Variants in CRADD observed in about 807,000 individuals in gnomAD.
CRADD encodes CARD and death domain containing adaptor protein.
In CRADD, 9 loss-of-function variants were observed where a neutral mutation model predicts 15.5. The observed-to-expected ratio is 0.58, with a 90% CI of 0.35 to 1.01. The LOEUF (loss-of-function observed/expected upper bound fraction) is 1.01, where lower values mean the gene tolerates loss of function less well. Among genes scored for constraint, CRADD ranks in the 50% least tolerant of loss-of-function variants. The probability of loss-of-function intolerance (pLI) is 0.02; values close to 1 mark genes in which losing one functional copy is unlikely to be tolerated. For synonymous variants in CRADD, 118 were observed against 107.6 expected (o/e 1.10, Z -0.60); for missense variants, 227 against 250.3 (o/e 0.91, Z 0.63).
chr12:93,860,760 C>T (rs1282485980), intron 2 of CRADD, among the ~76,000 whole-genome samples: 3 of 152,166 alleles, frequency 2.0e-5, no homozygotes, highest in African/African-American at 4.8e-5. Context: ...GCTACCTAAG[C>T]AAATGGAAAA....
At chr12:93,754,568 A>C (rs1956866611) in intron 2 of CRADD, among the ~76,000 whole-genome samples, 1 of 152,222 alleles carries the variant, frequency 6.6e-6, no homozygotes, top group Non-Finnish European at 1.5e-5. Context: ...AAAGTTCCAT[A>C]GATCTTTAGG....
At chr12:93,875,762 G>A (rs1458949442) in intron 2 of CRADD, among the ~76,000 whole-genome samples, 2 of 151,994 alleles carry the variant, frequency 1.3e-5, no homozygotes, top group Admixed American at 1.3e-4. Flanking sequence ...TTATTGTACT[G>A]ATGATGTCTT....
intron 2 of CRADD, among the ~76,000 whole-genome samples, chr12:93,711,055 C>CCCCCCTTTTTT: frequency 3.0e-4 from 13 of 43,506 alleles, no homozygotes; most frequent in Non-Finnish European, 3.5e-4. Flanking sequence ...CCACCCCCGC[C>CCCCCCTTTTTT]TTTTTTTTTT....
At chr12:93,725,803 C>G (rs1434627280) in intron 2 of CRADD, among the ~76,000 whole-genome samples, 1 of 152,116 alleles carries the variant, frequency 6.6e-6, no homozygotes, top group Non-Finnish European at 1.5e-5. Context: ...TATAGAGTGC[C>G]TGTTTGTCCC....
chr12:93,763,725 T>C (rs1956995400), intron 2 of CRADD, among the ~76,000 whole-genome samples: 1 of 152,128 alleles, frequency 6.6e-6, no homozygotes. Context: ...ACATTTTTAT[T>C]AGTGTGCATA....
chr12:93,722,637 T>A (rs922091685), intron 2 of CRADD, among the ~76,000 whole-genome samples: 1 of 152,188 alleles, frequency 6.6e-6, no homozygotes, highest in Non-Finnish European at 1.5e-5. Context: ...CCAAAGACGT[T>A]CTTCATTTCT....
chr12:93,879,512 G>A (rs760571763), intron 2 of CRADD, among the ~76,000 whole-genome samples: 17 of 152,036 alleles, frequency 1.1e-4, no homozygotes, highest in South Asian at 2.1e-4. Context: ...CTCTTGCCAC[G>A]TCTGCCCCCT....
intron 2 of CRADD, among the ~76,000 whole-genome samples, chr12:93,778,723 G>GTTT (rs199532871): frequency 3.8e-5 from 5 of 130,428 alleles, no homozygotes; most frequent in African/African-American, 1.4e-4. Flanking sequence ...TTTTTGGTTG[G>GTTT]TTTTTTTTTT....
intron 2 of CRADD, among the ~76,000 whole-genome samples, chr12:93,806,493 A>T (rs1420615606): frequency 2.7e-5 from 4 of 149,212 alleles, no homozygotes; most frequent in African/African-American, 9.8e-5. Flanking sequence ...AAAAAAAAGG[A>T]TGGACTGACA....
At chr12:93,720,625 C>T (rs530536575) in intron 2 of CRADD, among the ~76,000 whole-genome samples, 7 of 152,274 alleles carry the variant, frequency 4.6e-5, no homozygotes, top group Admixed American at 2.0e-4. Flanking sequence ...ATGATTGTTA[C>T]GTATTCTTGG....
chr12:93,791,715 T>G (rs1257658838), intron 2 of CRADD, among the ~76,000 whole-genome samples: 1 of 152,168 alleles, frequency 6.6e-6, no homozygotes, highest in East Asian at 1.9e-4. Context: ...GATATGTTAG[T>G]TAGTTGAGTT....
chr12:93,853,182 G>T (rs1015448073), downstream of CRADD, among the ~76,000 whole-genome samples: 1 of 152,086 alleles, frequency 6.6e-6, no homozygotes, highest in African/African-American at 2.4e-5. Context: ...TATTTAGAGA[G>T]ACTAAACTGT....
At chr12:93,696,664 C>T (rs1955713379) in intron 2 of CRADD, among the ~76,000 whole-genome samples, 1 of 151,248 alleles carries the variant, frequency 6.6e-6, no homozygotes, top group South Asian at 2.1e-4. Context: ...TATTGTGCAA[C>T]ATGATGACTA....
At chr12:93,763,372 TA>T (rs35912957) in intron 2 of CRADD, among the ~76,000 whole-genome samples, 4 of 150,984 alleles carry the variant, frequency 2.6e-5, no homozygotes, top group African/African-American at 9.7e-5. Flanking sequence ...TCCTCTCTAT[TA>T]AAAAAAAATC....
intron 2 of CRADD, chr12:93,815,489 A>G (rs979894832): frequency 5.9e-5 from 9 of 152,006 alleles, no homozygotes; most frequent in Non-Finnish European, 8.8e-5. Flanking sequence ...TCTGTAAGCT[A>G]TTTTCTTTTC....
chr12:93,713,354 C>T (rs1472290155), intron 2 of CRADD, among the ~76,000 whole-genome samples: 2 of 152,092 alleles, frequency 1.3e-5, no homozygotes, highest in Non-Finnish European at 2.9e-5. Flanking sequence ...GGCCATTGAG[C>T]GTGAAAATGT....
chr12:93,681,280 T>C (rs909045632), intron 2 of CRADD, among the ~76,000 whole-genome samples: 1 of 152,138 alleles, frequency 6.6e-6, no homozygotes, highest in African/African-American at 2.4e-5. Flanking sequence ...TGAGGAAAAA[T>C]AGCTTTTTAA....
chr12:93,852,719 C>T (rs1160035264), downstream of CRADD, among the ~76,000 whole-genome samples: 2 of 152,180 alleles, frequency 1.3e-5, no homozygotes, highest in East Asian at 3.8e-4. Flanking sequence ...TCTACAATTT[C>T]AGAGACTGTT....
At chr12:93,752,944 A>G (rs1016602043) in intron 2 of CRADD, among the ~76,000 whole-genome samples, 1 of 152,192 alleles carries the variant, frequency 6.6e-6, no homozygotes, top group Admixed American at 6.5e-5. Context: ...TTGTGCAGGG[A>G]AACTCCCCTT....
Sources: allele counts gnomAD v4.1 joint callset (sites outside exome capture counted in the v4.1 genomes callset), GRCh38; gene constraint gnomAD v4.1.1; transcripts MANE v1.5; gene names NCBI Gene and HGNC (gene_info 2026-07-23, HGNC 2026-07-21).